The following ST7 variants were observed in gnomAD, a reference collection of about 807,000 sequenced individuals.
The protein encoded by ST7 is suppression of tumorigenicity 7.
In ST7, 28 loss-of-function variants were observed where a neutral mutation model predicts 78.7. The ratio of observed to expected loss-of-function variants is 0.36; its 90% confidence interval spans 0.26 to 0.49. The LOEUF (loss-of-function observed/expected upper bound fraction) is 0.49, where lower values mean the gene tolerates loss of function less well. ST7 is among the 20% of genes least tolerant of loss of function. ST7 has a pLI of 0.99. For missense variants in ST7, 418 were observed against 696.0 expected (o/e 0.60, Z 4.49); for synonymous variants, 247 against 249.6 (o/e 0.99, Z 0.10).
chr7:117,024,455 G>A (rs1796091626), intron 1 of ST7, among the ~76,000 whole-genome samples: 2 of 152,060 alleles, frequency 1.3e-5, no homozygotes. Flanking sequence ...TACTGTGGTG[G>A]GAATTGTGCC....
intron 1 of ST7, among the ~76,000 whole-genome samples, chr7:117,044,227 T>C (rs1417537501): frequency 1.3e-5 from 2 of 152,234 alleles, no homozygotes; most frequent in African/African-American, 2.4e-5. Flanking sequence ...GTGGCAGGGA[T>C]TGGCTTGCAT....
chr7:117,066,405 CT>C lies in ST7; in HGVS notation c.152-33348del, dbSNP rs35429747. Among the ~76,000 whole-genome samples, 37 of 151,762 alleles carry C rather than the reference CT, an allele frequency of 2.4e-4. 1 individual carries two copies. The highest frequency in any genetic ancestry group is 7.2e-4 in the African/African-American group (30 of 41,404). ...TGAACAAATGAACCTGTAGCAATGA[CT>C]TTTTTTTTCTAAATAGCTTTATTGA... On this transcript the variant is annotated intron_variant, in intron 1 of 15. Coordinates refer to ENST00000323984, the MANE Select transcript of ST7 (RefSeq NM_001369598.1).
chr7:117,155,659 C>G (rs1321808606), intron 9 of ST7, among the ~76,000 whole-genome samples: 1 of 152,184 alleles, frequency 6.6e-6, no homozygotes, highest in Admixed American at 6.5e-5. Context: ...TAACAGCCTT[C>G]CCTTTTAACT....
chr7:117,210,045 G>C (rs1363872490), intron 13 of ST7, 108 bp downstream of exon 13: 3 of 1,323,864 alleles, frequency 2.3e-6, no homozygotes, highest in Non-Finnish European at 3.0e-6. Context: ...TACTGCTCTT[G>C]TGTTCTGTGA....
chr7:117,051,999 A>G (rs1797812976), intron 1 of ST7, among the ~76,000 whole-genome samples: 1 of 152,218 alleles, frequency 6.6e-6, no homozygotes, highest in Non-Finnish European at 1.5e-5. Context: ...CCAAAATAAA[A>G]GCTTTTCATC....
chr7:117,177,062 A>T (rs1808393216), intron 10 of ST7, among the ~76,000 whole-genome samples: 1 of 152,220 alleles, frequency 6.6e-6, no homozygotes, highest in South Asian at 2.1e-4. Flanking sequence ...ATCAGCACTG[A>T]TACTATGGCT....
intron 1 of ST7, among the ~76,000 whole-genome samples, chr7:117,038,904 C>T (rs892046321): frequency 6.6e-6 from 1 of 152,066 alleles, no homozygotes; most frequent in African/African-American, 2.4e-5. Flanking sequence ...ATATGTCTTA[C>T]AGTTTTTGAG....
intron 1 of ST7, among the ~76,000 whole-genome samples, chr7:117,070,918 T>G (rs1798911033): frequency 6.6e-6 from 1 of 152,144 alleles, no homozygotes; most frequent in Non-Finnish European, 1.5e-5. Flanking sequence ...TTATGTGCAT[T>G]TTTTGTGCAT....
intron 1 of ST7, among the ~76,000 whole-genome samples, chr7:116,995,225 T>C (rs1454408885): frequency 1.3e-5 from 2 of 152,210 alleles, no homozygotes; most frequent in African/African-American, 4.8e-5. Flanking sequence ...CAAGAGATAT[T>C]AGTCTTGTCT....
At chr7:117,179,290 T>G (rs1808568119) in intron 10 of ST7, among the ~76,000 whole-genome samples, 2 of 152,228 alleles carry the variant, frequency 1.3e-5, no homozygotes, top group Admixed American at 1.3e-4. Flanking sequence ...AGTACATTAA[T>G]TTAGGATTTT....
chr7:116,958,792 A>G, intron 1 of ST7: 1 of 386,758 alleles, frequency 2.6e-6, no homozygotes. Flanking sequence ...AGACCAATGT[A>G]TATACCTTAA....
At chr7:117,096,476 T>C (rs1801052102) in intron 1 of ST7, among the ~76,000 whole-genome samples, 1 of 152,230 alleles carries the variant, frequency 6.6e-6, no homozygotes. Context: ...CCTTTTCTAA[T>C]GAAAGGCTGC....
At chr7:117,207,059 A>G (rs950871314) in intron 12 of ST7, among the ~76,000 whole-genome samples, 18 of 152,166 alleles carry the variant, frequency 1.2e-4, no homozygotes, top group African/African-American at 4.1e-4. Flanking sequence ...CGGATGGCAC[A>G]TATCTATAAT....
chr7:117,000,574 C>G (rs1794891870), intron 1 of ST7, among the ~76,000 whole-genome samples: 1 of 152,152 alleles, frequency 6.6e-6, no homozygotes, highest in Non-Finnish European at 1.5e-5. Context: ...GGCCTATATC[C>G]CACATCATCT....
intron 13 of ST7, among the ~76,000 whole-genome samples, chr7:117,212,724 A>G (rs976579582): frequency 6.6e-6 from 1 of 152,160 alleles, no homozygotes; most frequent in African/African-American, 2.4e-5. Flanking sequence ...TCTGTTTTTA[A>G]ATTTTCAACA....
At chr7:117,062,015 G>A (rs554092489) in intron 1 of ST7, among the ~76,000 whole-genome samples, 143 of 152,306 alleles carry the variant, frequency 9.4e-4, no homozygotes, top group African/African-American at 3.4e-3. Context: ...GGAAGTTCAA[G>A]ATCAAGATGC....
intron 1 of ST7, among the ~76,000 whole-genome samples, chr7:116,984,462 C>T (rs759674225): frequency 8.6e-5 from 13 of 152,046 alleles, no homozygotes; most frequent in Admixed American, 2.6e-4. Flanking sequence ...GGGTCGGTTA[C>T]GTGTGCCCTA....
intron 1 of ST7, among the ~76,000 whole-genome samples, chr7:117,036,082 C>CTT (rs1796882602): frequency 1.3e-5 from 2 of 152,164 alleles, no homozygotes; most frequent in Admixed American, 1.3e-4. Flanking sequence ...TTTGTGGAGT[C>CTT]TGAGGCTGAC....
intron 1 of ST7, among the ~76,000 whole-genome samples, chr7:116,973,756 A>G (rs192181192): frequency 1.5e-3 from 222 of 152,304 alleles, no homozygotes; most frequent in Middle Eastern, 6.8e-3. Context: ...CCCTTCTGCA[A>G]CTTGTTTCTA....
Sources: allele counts gnomAD v4.1 joint callset (sites outside exome capture counted in the v4.1 genomes callset), GRCh38; gene constraint gnomAD v4.1.1; transcripts MANE v1.5; gene names NCBI Gene and HGNC (gene_info 2026-07-23, HGNC 2026-07-21).